The following LINGO2 variants were observed in gnomAD, a reference collection of about 807,000 sequenced individuals.
LINGO2 encodes leucine rich repeat and Ig domain containing 2, also known as leucine-rich repeat and immunoglobulin-like domain-containing nogo receptor-interacting protein 2.
LINGO2 carries 14 observed loss-of-function variants against 30.6 expected under a neutral mutation model. The observed-to-expected ratio is 0.46, with a 90% confidence interval of 0.30 to 0.72. The LOEUF (loss-of-function observed/expected upper bound fraction) is 0.72. Among genes scored for constraint, LINGO2 ranks in the 30% least tolerant of loss-of-function variants. The probability of loss-of-function intolerance (pLI) is 0.07; values close to 1 mark genes in which losing one functional copy is unlikely to be tolerated. For synonymous variants in LINGO2, 317 were observed against 288.5 expected (o/e 1.10, Z -1.00); for missense variants, 729 against 751.7 (o/e 0.97, Z 0.35).
the LINGO2 span, among the ~76,000 whole-genome samples, chr9:29,177,651 T>C: frequency 6.6e-6 from 1 of 152,202 alleles, no homozygotes; most frequent in Admixed American, 6.6e-5. Flanking sequence ...TACTTCTTAG[T>C]TTCTTTTCCA....
intron 5 of LINGO2, among the ~76,000 whole-genome samples, chr9:27,957,335 C>G (rs528203888): frequency 6.6e-6 from 1 of 152,174 alleles, no homozygotes; most frequent in Non-Finnish European, 1.5e-5. Context: ...TGCTTTGTCG[C>G]CCGGCTGGAG....
chr9:28,510,516 G>C (rs945813930), intron 1 of LINGO2, among the ~76,000 whole-genome samples: 1 of 152,076 alleles, frequency 6.6e-6, no homozygotes, highest in Non-Finnish European at 1.5e-5. Flanking sequence ...AGAAGGAAGA[G>C]GAGGGGTTGA....
At chr9:28,675,825 C>T in the LINGO2 span, among the ~76,000 whole-genome samples, 1 of 148,194 alleles carries the variant, frequency 6.7e-6, no homozygotes. Context: ...GAGCCGAGAT[C>T]ATGCCACTGC....
At chr9:28,071,452 C>T (rs555648104) in intron 4 of LINGO2, among the ~76,000 whole-genome samples, 1 of 152,084 alleles carries the variant, frequency 6.6e-6, no homozygotes, top group Non-Finnish European at 1.5e-5. Context: ...CTTATTTACT[C>T]TAGCCTAGCT....
intron 1 of LINGO2, among the ~76,000 whole-genome samples, chr9:28,572,323 T>A (rs1268041341): frequency 6.6e-6 from 1 of 152,116 alleles, no homozygotes; most frequent in African/African-American, 2.4e-5. Context: ...ATGGATTGGA[T>A]TTAGAGATAA....
intron 2 of LINGO2, among the ~76,000 whole-genome samples, chr9:28,380,928 T>C (rs1728671347): frequency 1.3e-5 from 2 of 151,166 alleles, no homozygotes; most frequent in Non-Finnish European, 3.0e-5. Context: ...AAATAAGGAG[T>C]AGAGGCTGGG....
At chr9:28,669,842 G>T (rs12002779) in intron 1 of LINGO2, among the ~76,000 whole-genome samples, 3,484 of 152,066 alleles carry the variant, frequency 0.023, 81 homozygotes, top group African/African-American at 0.052. Context: ...AACATCTTCA[G>T]TCACCGCACT....
chr9:28,014,919 A>G (rs1822750523), intron 4 of LINGO2, among the ~76,000 whole-genome samples: 1 of 152,304 alleles, frequency 6.6e-6, no homozygotes, highest in South Asian at 2.1e-4. Context: ...AAATTCCATC[A>G]AATTATTACA....
intron 2 of LINGO2, among the ~76,000 whole-genome samples, chr9:28,455,820 A>G (rs923205808): frequency 5.3e-5 from 8 of 151,984 alleles, no homozygotes; most frequent in Non-Finnish European, 1.0e-4. Flanking sequence ...TGTAGAGTAT[A>G]CTCTGAAAGT....
intron 3 of LINGO2, among the ~76,000 whole-genome samples, chr9:28,316,869 AT>A (rs1184979839): frequency 6.6e-6 from 1 of 152,170 alleles, no homozygotes; most frequent in Non-Finnish European, 1.5e-5. Context: ...AAGCACCCTT[AT>A]CTGCTAGCCA....
the LINGO2 span, among the ~76,000 whole-genome samples, chr9:29,133,743 T>G: frequency 2.0e-5 from 3 of 152,156 alleles, no homozygotes; most frequent in Admixed American, 6.5e-5. Context: ...TAAGAAACTT[T>G]CCAATCCATC....
chr9:28,366,111 C>T lies in LINGO2; in HGVS notation c.-246+6725G>A, dbSNP rs541724784. Reference sequence around the variant, plus strand: ...ACATTTTCCTTAGTACGGAAACAGTCGGAGCCTGTTCCTTTTTCGTCTAAC... The same window carrying T: ...ACATTTTCCTTAGTACGGAAACAGTTGGAGCCTGTTCCTTTTTCGTCTAAC... On this transcript the variant is annotated intron_variant, in intron 3 of 5. Coordinates refer to ENST00000379992, the Ensembl canonical transcript of LINGO2. Among the ~76,000 whole-genome samples the T allele has an allele frequency of 2.6e-5, 4 of 152,242 alleles. No homozygotes were observed. In the South Asian group the frequency reaches 6.2e-4, roughly 24 times the overall value.
chr9:28,032,960 T>C (rs1823754578), intron 4 of LINGO2, among the ~76,000 whole-genome samples: 1 of 151,864 alleles, frequency 6.6e-6, no homozygotes, highest in Non-Finnish European at 1.5e-5. Context: ...CCCAGTCAGC[T>C]TCATTCTTTC....
intron 1 of LINGO2, among the ~76,000 whole-genome samples, chr9:28,550,315 G>A (rs1456717180): frequency 1.3e-5 from 2 of 151,010 alleles, no homozygotes; most frequent in African/African-American, 2.4e-5. Context: ...TTCCCTTTTT[G>A]TTGGTGCTGC....
chr9:27,950,354 G>A (rs201680393), exon 6 of LINGO2: 2 of 1,614,176 alleles, frequency 1.2e-6, no homozygotes, highest in Admixed American at 3.3e-5. Flanking sequence ...GGGAACGCAG[G>A]TTAAAGAGAT....
intron 4 of LINGO2, among the ~76,000 whole-genome samples, chr9:28,105,168 C>T (rs1206113922): frequency 6.6e-6 from 1 of 152,126 alleles, no homozygotes; most frequent in East Asian, 1.9e-4. Context: ...CAAAAATACT[C>T]CACTTCTGTT....
chr9:29,080,560 T>C, the LINGO2 span, among the ~76,000 whole-genome samples: 2 of 152,290 alleles, frequency 1.3e-5, no homozygotes, highest in South Asian at 2.1e-4. Context: ...AGATCTTTCC[T>C]GCTTTCTCTT....
chr9:28,560,081 G>GA (rs57723247), intron 1 of LINGO2, among the ~76,000 whole-genome samples: 11,298 of 123,348 alleles, frequency 0.092, 662 homozygotes, highest in African/African-American at 0.18. Context: ...TATTTAGGAG[G>GA]AAAAAAAAAA....
intron 4 of LINGO2, among the ~76,000 whole-genome samples, chr9:28,061,260 T>C (rs1369568705): frequency 6.6e-6 from 1 of 150,562 alleles, no homozygotes; most frequent in Non-Finnish European, 1.5e-5. Context: ...AGGAAAACCA[T>C]GCTGGTAGTG....
Sources: allele counts gnomAD v4.1 joint callset (sites outside exome capture counted in the v4.1 genomes callset), GRCh38; gene constraint gnomAD v4.1.1; transcripts MANE v1.5; gene names NCBI Gene and HGNC (gene_info 2026-07-23, HGNC 2026-07-21).